PHKA1: variants seen among roughly 807,000 people sequenced by gnomAD.
PHKA1 encodes the protein phosphorylase b kinase regulatory subunit alpha, skeletal muscle isoform.
A neutral mutation model predicts 110.2 loss-of-function variants in PHKA1; 60 were observed. The observed-to-expected ratio is 0.54, with a 90% CI of 0.44 to 0.68. The LOEUF is 0.68. PHKA1 is among the 30% of genes least tolerant of loss of function. The probability of loss-of-function intolerance (pLI) is 0.00; values close to 1 mark genes in which losing one functional copy is unlikely to be tolerated. For missense variants in PHKA1, 801 were observed against 942.5 expected, an observed-to-expected ratio of 0.85 and a Z score of 1.97; for synonymous variants, 316 against 333.6, an observed-to-expected ratio of 0.95 and a Z score of 0.58.
chrX:72,652,782 C>T (rs2053445826), intron 11 of PHKA1, 131 bp from the exon 12 acceptor site: 1 of 516,949 alleles, frequency 1.9e-6, no homozygotes, highest in Non-Finnish European at 3.4e-6. Flanking sequence ...AAGTGAAGCA[C>T]TATCACTATA....
At chrX:72,691,005 T>C (rs782331373) in intron 4 of PHKA1, among the ~76,000 whole-genome samples, 1 of 112,793 alleles carries the variant, frequency 8.9e-6, no homozygotes, top group South Asian at 3.7e-4. Flanking sequence ...TGACTTTAAG[T>C]GATCCTGCCA....
chrX:72,609,213 G>A (rs1285613927), intron 23 of PHKA1, among the ~76,000 whole-genome samples: 1 of 111,689 alleles, frequency 9.0e-6, no homozygotes, highest in Non-Finnish European at 1.9e-5. Context: ...ACCTCACATT[G>A]CTCTGTAAGT....
intron 6 of PHKA1, among the ~76,000 whole-genome samples, chrX:72,672,070 C>T (rs1469093160): frequency 1.8e-5 from 2 of 112,320 alleles, no homozygotes; most frequent in African/African-American, 6.5e-5. Context: ...CATGCTTCTG[C>T]AGCTCTTGCA....
intron 6 of PHKA1, among the ~76,000 whole-genome samples, chrX:72,674,293 A>G (rs2053748247): frequency 9.1e-6 from 1 of 110,395 alleles, no homozygotes; most frequent in Non-Finnish European, 1.9e-5. Context: ...TTATAGCAGC[A>G]TGATTTATAA....
intron 29 of PHKA1, among the ~76,000 whole-genome samples, chrX:72,588,971 G>T (rs879979443): frequency 2.7e-5 from 3 of 111,524 alleles, no homozygotes. Context: ...CAGGACCAGA[G>T]GGATTCACAG....
chrX:72,622,918 T>C, intron 18 of PHKA1, 191 bp downstream of exon 18: 1 of 753,009 alleles, frequency 1.3e-6, no homozygotes, highest in Non-Finnish European at 1.6e-6. Context: ...TACTCCACAA[T>C]TACCGCAGGA....
chrX:72,629,905 TA>T lies in PHKA1; in HGVS notation c.1715-2857del, dbSNP rs781788397. On this transcript the variant is annotated intron_variant, in intron 16 of 31. Coordinates refer to ENST00000373542, the MANE Select transcript of PHKA1 (RefSeq NM_002637.4). ...ACATTATACCAATTAAAGTGATGTA[TA>T]GAATCTTATCTCCCATTAAGGTCCT... Among the ~76,000 whole-genome samples, 353 of 112,133 alleles carry T rather than the reference TA, an allele frequency of 3.1e-3. 1 individual carries two copies. The highest frequency in any genetic ancestry group is 0.011 in the African/African-American group (344 of 30,886).
chrX:72,682,519 G>A (rs1448935481), intron 5 of PHKA1, among the ~76,000 whole-genome samples: 2 of 108,847 alleles, frequency 1.8e-5, no homozygotes, highest in Admixed American at 1.9e-4. Context: ...GAAATCGGAT[G>A]GTTGCCGTGT....
At chrX:72,678,818 G>A (rs111636699) in intron 5 of PHKA1, among the ~76,000 whole-genome samples, 1,465 of 112,160 alleles carry the variant, frequency 0.013, 17 homozygotes, top group African/African-American at 0.034. Context: ...CAGCAAATAG[G>A]ATGAGTCCTA....
intron 14 of PHKA1, among the ~76,000 whole-genome samples, chrX:72,639,276 G>A (rs781867582): frequency 2.1e-4 from 24 of 111,969 alleles, no homozygotes; most frequent in Non-Finnish European, 3.2e-4. Context: ...GTTCACGCCT[G>A]TAATTCCAGC....
chrX:72,652,722 G>T, intron 11 of PHKA1, 71 bp from the exon 12 acceptor site: 1 of 651,735 alleles, frequency 1.5e-6, no homozygotes, highest in Non-Finnish European at 2.5e-6. Context: ...TAAAAAGGTG[G>T]ACTGGATTGT....
intron 29 of PHKA1, among the ~76,000 whole-genome samples, chrX:72,590,188 C>A (rs1437189221): frequency 8.9e-6 from 1 of 111,747 alleles, no homozygotes; most frequent in East Asian, 2.8e-4. Flanking sequence ...TACAAGGCTA[C>A]AGTAACCAAA....
intron 12 of PHKA1, 92 bp from the exon 13 acceptor site, chrX:72,650,560 C>T: frequency 2.9e-6 from 2 of 690,370 alleles, no homozygotes; most frequent in Non-Finnish European, 4.5e-6. Context: ...CATAACCTTG[C>T]ACCATAACAT....
At chrX:72,704,589 G>A (rs1454391690) in intron 3 of PHKA1, among the ~76,000 whole-genome samples, 1 of 110,325 alleles carries the variant, frequency 9.1e-6, no homozygotes, top group Admixed American at 9.7e-5. Flanking sequence ...GTGTGTGTGT[G>A]TGTGCATTTT....
chrX:72,688,621 A>G (rs1244505431), intron 4 of PHKA1, among the ~76,000 whole-genome samples: 2 of 112,261 alleles, frequency 1.8e-5, no homozygotes, highest in African/African-American at 3.2e-5. Context: ...CTCAAATGCT[A>G]TGTCCTCTGT....
rs781950039 is a variant in PHKA1 at position 72,620,359 on chromosome X, A to C, written c.2137+366T>G. On this transcript the variant is annotated intron_variant, in intron 19 of 31. Coordinates refer to ENST00000373542, the MANE Select transcript of PHKA1 (RefSeq NM_002637.4). ...AAGAATGAGTATTATATTTGACAAAACAGCTCTACATTGCTGGAACAACAA... is the reference window on the plus strand; with the variant it reads ...AAGAATGAGTATTATATTTGACAAACCAGCTCTACATTGCTGGAACAACAA... Among the ~76,000 whole-genome samples, 5 of 111,984 alleles carry C rather than the reference A, an allele frequency of 4.5e-5. No individual in the cohort carries two copies. The South Asian group carries it at 1.9e-3, about 42-fold the overall frequency.
At chrX:72,590,274 A>G (rs1478674271) in intron 29 of PHKA1, among the ~76,000 whole-genome samples, 4 of 111,476 alleles carry the variant, frequency 3.6e-5, no homozygotes, top group Non-Finnish European at 7.5e-5. Context: ...AACACTACAC[A>G]CCTACAACCA....
At chrX:72,694,261 A>G (rs1202712799) in intron 4 of PHKA1, among the ~76,000 whole-genome samples, 1 of 112,330 alleles carries the variant, frequency 8.9e-6, no homozygotes. Context: ...GCCTTAAAGT[A>G]TTTCACTAAC....
intron 4 of PHKA1, among the ~76,000 whole-genome samples, chrX:72,691,252 T>C (rs1460262050): frequency 2.7e-5 from 3 of 112,831 alleles, no homozygotes; most frequent in Non-Finnish European, 5.6e-5. Context: ...CTCAATTCTA[T>C]TCCAAAGAGC....
Sources: gnomAD v4.1 joint callset for allele counts (sites outside exome capture counted in the v4.1 genomes callset) on GRCh38, gnomAD v4.1.1 for gene constraint, MANE v1.5 for transcripts, NCBI Gene and HGNC (gene_info 2026-07-23, HGNC 2026-07-21) for gene names.